The following RAB30 variants were observed in gnomAD, a reference collection of about 807,000 sequenced individuals.
RAB30 encodes RAB30, member RAS oncogene family, also known as ras-related protein Rab-30.
Under a neutral mutation model 25.1 loss-of-function variants are expected in RAB30, and 9 were observed. The ratio of observed to expected loss-of-function variants is 0.36; its 90% confidence interval spans 0.22 to 0.63. RAB30 has a LOEUF of 0.63. Ranked by LOEUF, RAB30 falls within the 20% of genes least tolerant of loss-of-function variation. RAB30 has a pLI of 0.69. For missense variants in RAB30, 140 were observed against 243.5 expected (o/e 0.58, Z 2.83); for synonymous variants, 77 against 86.4 (o/e 0.89, Z 0.60).
At chr11:83,014,659 AAAGAAAGAAAG>A (rs1297672488) in intron 1 of RAB30, among the ~76,000 whole-genome samples, 5 of 148,474 alleles carry the variant, frequency 3.4e-5, no homozygotes, top group Admixed American at 2.7e-4. Context: ...AGAAAGAAAG[AAAGAAAGAAAG>A]AAAGAAAGAA....
intron 1 of RAB30, among the ~76,000 whole-genome samples, chr11:83,068,276 C>G (rs181671522): frequency 4.8e-4 from 72 of 149,590 alleles, no homozygotes; most frequent in African/African-American, 1.7e-3. Flanking sequence ...CCAGCAAGGG[C>G]AACAAGAGCA....
intron 2 of RAB30, among the ~76,000 whole-genome samples, chr11:82,995,809 T>C (rs1414416080): frequency 1.3e-5 from 2 of 152,294 alleles, no homozygotes; most frequent in East Asian, 3.9e-4. Context: ...TGCCACTCTA[T>C]CTAATCTCAC....
chr11:83,033,942 A>C lies in RAB30; in HGVS notation c.-8-36618T>G, dbSNP rs140070542. 5.0e-3 allele frequency among the ~76,000 whole-genome samples: 763 copies of C among 152,292 alleles called. 6 individuals carry two copies. The highest frequency in any genetic ancestry group is 0.017 in the African/African-American group (714 of 41,556). ...AGATCAGGCCATTTTCATTAATGTA[A>C]CACTTGGGGACCTCGACAGCTGCCA... On this transcript the variant is annotated intron_variant, in intron 1 of 4. Coordinates refer to ENST00000527633, the MANE Select transcript of RAB30 (RefSeq NM_001286060.2).
intron 1 of RAB30, chr11:83,034,458 C>T (rs1047307470): frequency 1.3e-5 from 2 of 152,110 alleles, no homozygotes; most frequent in African/African-American, 2.4e-5. Flanking sequence ...GCAGCCACTT[C>T]GCAGAGTCAT....
chr11:83,057,093 T>C (rs1858473017), intron 1 of RAB30, among the ~76,000 whole-genome samples: 2 of 152,142 alleles, frequency 1.3e-5, no homozygotes, highest in African/African-American at 4.8e-5. Flanking sequence ...GGTAGAAATT[T>C]TGTCACTTCA....
At chr11:83,037,679 G>A (rs1287068406) in intron 1 of RAB30, among the ~76,000 whole-genome samples, 1 of 152,116 alleles carries the variant, frequency 6.6e-6, no homozygotes, top group Non-Finnish European at 1.5e-5. Context: ...AAGAGAGACT[G>A]GAGGAGAAGC....
intron 1 of RAB30, among the ~76,000 whole-genome samples, chr11:83,019,392 G>A (rs1187972078): frequency 6.6e-6 from 1 of 152,162 alleles, no homozygotes; most frequent in African/African-American, 2.4e-5. Context: ...TGGAAATTAA[G>A]GTACAGGTCA....
intron 1 of RAB30, among the ~76,000 whole-genome samples, chr11:83,007,210 C>A (rs1904428): frequency 0.57 from 86,904 of 151,928 alleles, 25,391 homozygotes; most frequent in African/African-American, 0.71. Context: ...AAGATCTGCA[C>A]ATATAAATCT....
intron 1 of RAB30, among the ~76,000 whole-genome samples, chr11:83,022,219 C>G (rs1319376580): frequency 2.0e-5 from 3 of 152,122 alleles, no homozygotes; most frequent in Non-Finnish European, 4.4e-5. Context: ...AATCCAGTAG[C>G]ACGATCACAT....
chr11:83,000,749 G>T (rs1174583557), intron 1 of RAB30, among the ~76,000 whole-genome samples: 2 of 152,144 alleles, frequency 1.3e-5, no homozygotes, highest in Non-Finnish European at 2.9e-5. Context: ...TTTAGAAAAA[G>T]AAGGTGAAAA....
chr11:83,020,907 G>A (rs1365766576), intron 1 of RAB30, among the ~76,000 whole-genome samples: 2 of 151,954 alleles, frequency 1.3e-5, no homozygotes, highest in African/African-American at 4.8e-5. Flanking sequence ...CCGCAGAGAG[G>A]AGCCACTTCC....
intron 1 of RAB30, among the ~76,000 whole-genome samples, chr11:83,037,108 C>T (rs1858003605): frequency 6.6e-6 from 1 of 151,346 alleles, no homozygotes; most frequent in African/African-American, 2.4e-5. Flanking sequence ...ATAATGGTGG[C>T]CTGGACCAAG....
At chr11:83,062,971 C>G (rs1858616459) in intron 1 of RAB30, among the ~76,000 whole-genome samples, 1 of 148,526 alleles carries the variant, frequency 6.7e-6, no homozygotes, top group African/African-American at 2.5e-5. Flanking sequence ...CCACTGCACT[C>G]CAGCCTGGGT....
intron 3 of RAB30, among the ~76,000 whole-genome samples, chr11:82,989,349 A>G (rs965343175): frequency 1.1e-4 from 17 of 152,330 alleles, no homozygotes; most frequent in African/African-American, 4.1e-4. Context: ...AGCTTAGCTA[A>G]AGAGACTGCT....
At chr11:83,050,676 T>C (rs1801891807) in intron 1 of RAB30, among the ~76,000 whole-genome samples, 1 of 152,242 alleles carries the variant, frequency 6.6e-6, no homozygotes, top group Non-Finnish European at 1.5e-5. Flanking sequence ...CTAAAAATAC[T>C]TTTTCTTACA....
At chr11:82,992,176 G>A in intron 3 of RAB30, 9 of 368,784 alleles carry the variant, frequency 2.4e-5, no homozygotes, top group South Asian at 1.9e-4. Context: ...ACAACAGAAA[G>A]CTACAAAAGG....
chr11:82,999,326 A>T (rs180913850), intron 1 of RAB30, among the ~76,000 whole-genome samples: 1 of 152,358 alleles, frequency 6.6e-6, no homozygotes, highest in Admixed American at 6.5e-5. Context: ...GGTATCATAA[A>T]AAATGGAGCC....
intron 1 of RAB30, among the ~76,000 whole-genome samples, chr11:83,012,190 G>A (rs556885222): frequency 7.2e-5 from 11 of 152,288 alleles, no homozygotes; most frequent in East Asian, 5.8e-4. Flanking sequence ...GATGTGGTAC[G>A]CCACCACTAG....
intron 1 of RAB30, among the ~76,000 whole-genome samples, chr11:83,044,128 T>C (rs931879376): frequency 6.6e-6 from 1 of 152,216 alleles, no homozygotes; most frequent in Non-Finnish European, 1.5e-5. Flanking sequence ...CTTTGAATTA[T>C]TTTTTGTTGG....
Sources: gnomAD v4.1 joint callset for allele counts (sites outside exome capture counted in the v4.1 genomes callset) on GRCh38, gnomAD v4.1.1 for gene constraint, MANE v1.5 for transcripts, NCBI Gene and HGNC (gene_info 2026-07-23, HGNC 2026-07-21) for gene names.